FHIT: variants seen among roughly 807,000 people sequenced by gnomAD.
The protein encoded by FHIT is bis(5'-adenosyl)-triphosphatase.
In FHIT, 19 loss-of-function variants were observed where a neutral mutation model predicts 17.9. The observed-to-expected ratio is 1.06, with a 90% CI of 0.74 to 1.56. The LOEUF is 1.56. Among genes scored for constraint, FHIT ranks in the 40% most tolerant of loss-of-function variants. The probability of loss-of-function intolerance (pLI) is 0.00; values close to 1 mark genes in which losing one functional copy is unlikely to be tolerated. For missense variants in FHIT, 248 were observed against 189.2 expected (o/e 1.31, Z -1.82); for synonymous variants, 81 against 69.7 (o/e 1.16, Z -0.81).
intron 8 of FHIT, among the ~76,000 whole-genome samples, chr3:59,805,020 C>T (rs1183133733): frequency 6.6e-6 from 1 of 152,056 alleles, no homozygotes. Flanking sequence ...CTAAGGCGGC[C>T]ATTCTGTTTG....
At chr3:60,319,447 A>AG (rs999192511) in intron 5 of FHIT, among the ~76,000 whole-genome samples, 8 of 150,862 alleles carry the variant, frequency 5.3e-5, no homozygotes, top group African/African-American at 2.0e-4. Context: ...GATGTTTTTA[A>AG]GGGAAAAAAA....
At chr3:60,840,472 A>C (rs782589141) in intron 3 of FHIT, among the ~76,000 whole-genome samples, 2 of 152,180 alleles carry the variant, frequency 1.3e-5, no homozygotes, top group South Asian at 2.1e-4. Flanking sequence ...TTATTCCTAC[A>C]AAGTCCCCAG....
intron 3 of FHIT, among the ~76,000 whole-genome samples, chr3:60,834,558 T>G (rs73111744): frequency 0.076 from 11,465 of 151,762 alleles, 548 homozygotes; most frequent in African/African-American, 0.12. Flanking sequence ...ATTCTTTTCA[T>G]TCTCTTAAAA....
chr3:60,918,474 G>C (rs1553767554), intron 3 of FHIT, among the ~76,000 whole-genome samples: 1 of 152,152 alleles, frequency 6.6e-6, no homozygotes. Flanking sequence ...ATAAACTACT[G>C]AAATGACAAC....
At chr3:60,512,844 G>A (rs143840811) in intron 5 of FHIT, among the ~76,000 whole-genome samples, 1 of 152,180 alleles carries the variant, frequency 6.6e-6, no homozygotes, top group African/African-American at 2.4e-5. Context: ...AATATCCAAG[G>A]GAGTTAGACA....
chr3:59,849,593 T>C (rs2106785201), intron 8 of FHIT, among the ~76,000 whole-genome samples: 1 of 152,196 alleles, frequency 6.6e-6, no homozygotes, highest in Non-Finnish European at 1.5e-5. Flanking sequence ...ATCTGGATGC[T>C]AGGAATTCGT....
chr3:59,899,077 T>A (rs759505848), intron 8 of FHIT, among the ~76,000 whole-genome samples: 2 of 152,146 alleles, frequency 1.3e-5, no homozygotes, highest in African/African-American at 2.4e-5. Context: ...TCTTCACTCC[T>A]CCATGTTCCT....
At chr3:60,118,280 ATT>A (rs1163428359) in intron 5 of FHIT, among the ~76,000 whole-genome samples, 14 of 135,036 alleles carry the variant, frequency 1.0e-4, no homozygotes, top group African/African-American at 1.6e-4. Context: ...CTCATTTTTA[ATT>A]TTTTTTTTTT....
At chr3:59,876,786 C>T (rs551524093) in intron 8 of FHIT, among the ~76,000 whole-genome samples, 5 of 152,312 alleles carry the variant, frequency 3.3e-5, no homozygotes, top group East Asian at 1.9e-4. Flanking sequence ...ACCTCACTAA[C>T]GTAACTCCAA....
At chr3:60,793,446 G>A (rs1341510027) in intron 4 of FHIT, among the ~76,000 whole-genome samples, 2 of 152,082 alleles carry the variant, frequency 1.3e-5, no homozygotes, top group East Asian at 1.9e-4. Flanking sequence ...GGGATTACAG[G>A]TGCCTGCTAC....
chr3:60,641,030 T>C (rs1305439191), intron 4 of FHIT, among the ~76,000 whole-genome samples: 1 of 151,666 alleles, frequency 6.6e-6, no homozygotes, highest in African/African-American at 2.4e-5. Flanking sequence ...AAATACAAAA[T>C]TTAGCCAGGT....
chr3:59,961,986 A>G (rs1707709306), intron 7 of FHIT, among the ~76,000 whole-genome samples: 1 of 152,312 alleles, frequency 6.6e-6, no homozygotes, highest in East Asian at 1.9e-4. Flanking sequence ...TGTCTGGCAT[A>G]TAACAAATAA....
intron 1 of FHIT, among the ~76,000 whole-genome samples, chr3:61,247,918 G>A (rs1416477922): frequency 3.9e-5 from 6 of 152,222 alleles, no homozygotes; most frequent in Non-Finnish European, 7.4e-5. Flanking sequence ...AAAACCAAGG[G>A]CTAAGTAACC....
intron 5 of FHIT, among the ~76,000 whole-genome samples, chr3:60,106,876 T>C (rs551578813): frequency 1.3e-5 from 2 of 152,300 alleles, no homozygotes; most frequent in South Asian, 4.1e-4. Flanking sequence ...CAAAAGTGTA[T>C]TTTATCCTTT....
At chr3:61,234,305 T>C (rs907749562) in intron 1 of FHIT, among the ~76,000 whole-genome samples, 4 of 152,160 alleles carry the variant, frequency 2.6e-5, no homozygotes, top group African/African-American at 9.7e-5. Flanking sequence ...GAAAAAATCA[T>C]GAATGTGATT....
rs60177380 is a variant in FHIT, at chr3:60,875,923, ATGTGTG to A, written c.-110-53918_-110-53913del. 4.9e-3 allele frequency among the ~76,000 whole-genome samples: 672 copies of A among 136,896 alleles called. 4 individuals are homozygous for A. The highest frequency in any genetic ancestry group is 0.014 in the African/African-American group (532 of 37,522). 89.8% of individuals were successfully genotyped at this position (136,896 alleles called of 152,430 possible). ...ATTTTTAGCTAAGGAAAACTTATTC[ATGTGTG>A]TGTGTGTGTGTGTGTGTGTGTGTGT... On this transcript the variant is annotated intron_variant, in intron 3 of 9. Transcript: ENST00000492590.
chr3:61,110,349 C>T (rs993838710), intron 2 of FHIT, among the ~76,000 whole-genome samples: 1 of 152,124 alleles, frequency 6.6e-6, no homozygotes, highest in Non-Finnish European at 1.5e-5. Context: ...TGGCTTCTTC[C>T]TTACTCCAGT....
chr3:60,190,859 CT>C (rs1702372400), intron 5 of FHIT, among the ~76,000 whole-genome samples: 1 of 152,044 alleles, frequency 6.6e-6, no homozygotes, highest in Non-Finnish European at 1.5e-5. Flanking sequence ...ATGAGAATCC[CT>C]TGAATCCGGG....
At chr3:59,967,099 T>A (rs760172815) in intron 7 of FHIT, among the ~76,000 whole-genome samples, 4 of 152,018 alleles carry the variant, frequency 2.6e-5, no homozygotes, top group Non-Finnish European at 5.9e-5. Flanking sequence ...AAGGTCAGGA[T>A]CATCAGTATC....
Sources: gnomAD v4.1 joint callset for allele counts (sites outside exome capture counted in the v4.1 genomes callset) on GRCh38, gnomAD v4.1.1 for gene constraint, MANE v1.5 for transcripts, NCBI Gene and HGNC (gene_info 2026-07-23, HGNC 2026-07-21) for gene names.